The following ACSBG1 variants were observed in gnomAD, a reference collection of about 807,000 sequenced individuals.
ACSBG1 encodes the protein long-chain-fatty-acid--CoA ligase ACSBG1.
ACSBG1 carries 39 observed loss-of-function variants against 80.2 expected under a neutral mutation model. The observed-to-expected ratio is 0.49, with a 90% confidence interval of 0.38 to 0.64. The LOEUF is 0.64. Among genes scored for constraint, ACSBG1 ranks in the 30% least tolerant of loss-of-function variants. The probability of loss-of-function intolerance (pLI) is 0.00; values close to 1 mark genes in which losing one functional copy is unlikely to be tolerated. For missense variants in ACSBG1, 828 were observed against 966.4 expected, an observed-to-expected ratio of 0.86 and a Z score of 1.90; for synonymous variants, 392 against 379.5, an observed-to-expected ratio of 1.03 and a Z score of -0.38.
At chr15:78,175,513 A>G (rs1370874436) in intron 11 of ACSBG1, among the ~76,000 whole-genome samples, 1 of 152,184 alleles carries the variant, frequency 6.6e-6, no homozygotes, top group East Asian at 1.9e-4. Flanking sequence ...CATGCTAAAC[A>G]TGAACGGGAG....
At chr15:78,212,034 A>G (rs1274413532) in intron 1 of ACSBG1, among the ~76,000 whole-genome samples, 3 of 152,198 alleles carry the variant, frequency 2.0e-5, no homozygotes, top group African/African-American at 7.2e-5. Flanking sequence ...TAAGTTGAGG[A>G]GGACCCTCAT....
intron 1 of ACSBG1, among the ~76,000 whole-genome samples, chr15:78,219,706 C>A (rs953411089): frequency 6.6e-6 from 1 of 152,044 alleles, no homozygotes; most frequent in East Asian, 1.9e-4. Context: ...AAGACCTGGC[C>A]GGGCGCGGTG....
chr15:78,193,635 G>T lies in ACSBG1; in HGVS notation c.543-9C>A. On this transcript the variant is annotated splice_polypyrimidine_tract_variant and intron_variant, in intron 4 of 13. Coordinates refer to ENST00000258873, the MANE Select transcript of ACSBG1 (RefSeq NM_015162.5). ...TGCCAGTGACGATGCCACTGTAGGA[G>T]ACCCAGGAAGATTCACCTTAGGGGA... 2 of 1,609,614 alleles carry T rather than the reference G, an allele frequency of 1.2e-6. No individual in the cohort carries two copies. Among genetic ancestry groups the T allele is most frequent in the South Asian group, 1.1e-5 (1 of 90,260 alleles).
intron 1 of ACSBG1, among the ~76,000 whole-genome samples, chr15:78,230,240 G>A (rs1231763621): frequency 2.0e-5 from 3 of 152,164 alleles, no homozygotes; most frequent in African/African-American, 7.2e-5. Flanking sequence ...CAGACCCCAC[G>A]GGTTTTGCCT....
intron 1 of ACSBG1, among the ~76,000 whole-genome samples, chr15:78,211,132 T>C (rs561945267): frequency 6.6e-6 from 1 of 152,290 alleles, no homozygotes; most frequent in Non-Finnish European, 1.5e-5. Flanking sequence ...GAAGCTAAGG[T>C]TTGGGAAGCT....
chr15:78,194,419 G>C, intron 3 of ACSBG1, 87 bp downstream of exon 3: 1 of 1,249,116 alleles, frequency 8.0e-7, no homozygotes, highest in Non-Finnish European at 1.1e-6. Flanking sequence ...CTTGCCCAGT[G>C]GGCAGTTGGA....
intron 1 of ACSBG1, among the ~76,000 whole-genome samples, chr15:78,231,486 A>G (rs1323926801): frequency 6.6e-6 from 1 of 152,000 alleles, no homozygotes; most frequent in Non-Finnish European, 1.5e-5. Flanking sequence ...GGGTTTCAAC[A>G]TGTTACCCAG....
At chr15:78,174,694 G>A in intron 11 of ACSBG1, 170 bp from the exon 12 acceptor site, 1 of 724,948 alleles carries the variant, frequency 1.4e-6, no homozygotes. Flanking sequence ...CACCTGCTTG[G>A]GGGCTGGTGG....
At chr15:78,208,204 G>A in intron 1 of ACSBG1, 102 bp from the exon 2 acceptor site, 1 of 819,400 alleles carries the variant, frequency 1.2e-6, no homozygotes, top group Non-Finnish European at 2.0e-6. Context: ...CCCCCAGGGG[G>A]ACACTGGCAC....
chr15:78,215,782 GAAAGAGAAAGAAAGAGAGA>G (rs1567096468), intron 1 of ACSBG1, among the ~76,000 whole-genome samples: 3 of 149,016 alleles, frequency 2.0e-5, no homozygotes, highest in African/African-American at 7.6e-5. Context: ...AAGAAAGAAA[GAAAGAGAAAGAAAGAGAGA>G]AAGGAAGGAT....
intron 1 of ACSBG1, among the ~76,000 whole-genome samples, chr15:78,217,716 G>A (rs1344339935): frequency 6.6e-6 from 1 of 151,978 alleles, no homozygotes; most frequent in Non-Finnish European, 1.5e-5. Flanking sequence ...ACAGGCACAC[G>A]CCACCACACC....
At chr15:78,229,008 C>T (rs2075425806) in intron 1 of ACSBG1, among the ~76,000 whole-genome samples, 1 of 151,798 alleles carries the variant, frequency 6.6e-6, no homozygotes, top group South Asian at 2.1e-4. Flanking sequence ...GTAAAATACA[C>T]ATAACATAAA....
At chr15:78,173,521 G>A in intron 13 of ACSBG1, 72 bp downstream of exon 13, 1 of 1,558,356 alleles carries the variant, frequency 6.4e-7, no homozygotes, top group Non-Finnish European at 8.7e-7. Context: ...TTCCTAACAG[G>A]CACCTCCTAG....
intron 1 of ACSBG1, chr15:78,212,626 G>T (rs1156283872): frequency 2.2e-6 from 1 of 455,748 alleles, no homozygotes; most frequent in Admixed American, 2.4e-5. Context: ...TGCAATCTGT[G>T]AGCTTGCCCA....
At chr15:78,224,247 CATCATG>C (rs1294210238) in intron 1 of ACSBG1, among the ~76,000 whole-genome samples, 1 of 134,772 alleles carries the variant, frequency 7.4e-6, no homozygotes, top group Non-Finnish European at 1.7e-5. Flanking sequence ...TGGACTGAAA[CATCATG>C]AGAAACCCTG....
intron 2 of ACSBG1, among the ~76,000 whole-genome samples, chr15:78,196,193 G>A (rs2075112895): frequency 6.6e-6 from 1 of 152,242 alleles, no homozygotes; most frequent in African/African-American, 2.4e-5. Flanking sequence ...GGAGCCCTGA[G>A]CCTTCAGGTA....
At chr15:78,214,143 A>G (rs771725243) in intron 1 of ACSBG1, among the ~76,000 whole-genome samples, 2 of 151,420 alleles carry the variant, frequency 1.3e-5, no homozygotes, top group Non-Finnish European at 2.9e-5. Flanking sequence ...GCCTTCTAAT[A>G]CCCCCTCCAC....
chr15:78,207,284 C>T (rs923350679), intron 2 of ACSBG1, among the ~76,000 whole-genome samples: 26 of 152,314 alleles, frequency 1.7e-4, no homozygotes, highest in African/African-American at 6.0e-4. Flanking sequence ...ACAGCTCAGG[C>T]CAGATCCCTG....
At position 78,231,652 on chromosome 15, in the gene ACSBG1, G is replaced by A. The variant is rs561137794; in HGVS notation, c.131+2719C>T. Among the ~76,000 whole-genome samples, 25 of 152,170 alleles carry A rather than the reference G, an allele frequency of 1.6e-4. No individual in the cohort carries two copies. The South Asian group carries it at 5.0e-3, about 30-fold the overall frequency. Reference sequence around the variant, plus strand: ...CTGTAGTCCAGGCTAGAGTACAGTGGTTAATAGCTCATTGCAGCCTCACAC... The same window carrying A: ...CTGTAGTCCAGGCTAGAGTACAGTGATTAATAGCTCATTGCAGCCTCACAC... On this transcript the variant is annotated intron_variant, in intron 1 of 13. Coordinates refer to ENST00000258873, the MANE Select transcript of ACSBG1 (RefSeq NM_015162.5).
Sources: allele counts gnomAD v4.1 joint callset (sites outside exome capture counted in the v4.1 genomes callset), GRCh38; gene constraint gnomAD v4.1.1; transcripts MANE v1.5; gene names NCBI Gene and HGNC (gene_info 2026-07-23, HGNC 2026-07-21).